Variants in MMP26 observed in about 807,000 individuals in gnomAD.
MMP26 encodes matrix metalloproteinase-26.
MMP26 carries 33 observed loss-of-function variants against 31.0 expected under a neutral mutation model. The ratio of observed to expected loss-of-function variants is 1.06; its 90% CI spans 0.81 to 1.42. The LOEUF (loss-of-function observed/expected upper bound fraction) is 1.42, where lower values mean the gene tolerates loss of function less well. Among genes scored for constraint, MMP26 ranks in the 40% most tolerant of loss-of-function variants. The pLI is 0.00. For missense variants in MMP26, 347 were observed against 316.1 expected (o/e 1.10, Z -0.74); for synonymous variants, 122 against 114.9 (o/e 1.06, Z -0.40).
At chr11:4,906,044 T>A (rs1850883016) in intron 2 of MMP26, among the ~76,000 whole-genome samples, 1 of 152,164 alleles carries the variant, frequency 6.6e-6, no homozygotes, top group South Asian at 2.1e-4. Context: ...AATAATCCAA[T>A]CAAGATGGAT....
intron 2 of MMP26, among the ~76,000 whole-genome samples, chr11:4,807,085 A>G (rs759934474): frequency 2.0e-5 from 3 of 152,168 alleles, no homozygotes; most frequent in Non-Finnish European, 4.4e-5. Context: ...AATAATTGTT[A>G]TTTTTGGAGA....
chr11:4,895,982 A>G (rs1393382377), intron 2 of MMP26, among the ~76,000 whole-genome samples: 2 of 152,142 alleles, frequency 1.3e-5, no homozygotes, highest in Non-Finnish European at 2.9e-5. Flanking sequence ...GTTTTAGTGA[A>G]AGTCTCCTCT....
intron 2 of MMP26, among the ~76,000 whole-genome samples, chr11:4,880,243 G>A (rs1253889622): frequency 1.3e-5 from 2 of 152,078 alleles, no homozygotes; most frequent in African/African-American, 4.8e-5. Flanking sequence ...GCTCTGTTAT[G>A]GGACTGAAGA....
intron 1 of MMP26, among the ~76,000 whole-genome samples, chr11:4,709,093 T>C (rs1023607823): frequency 6.6e-6 from 1 of 152,174 alleles, no homozygotes; most frequent in Non-Finnish European, 1.5e-5. Flanking sequence ...TCTCTTACTT[T>C]CATTGGGTCA....
At chr11:4,789,762 G>T (rs12802647) in intron 2 of MMP26, among the ~76,000 whole-genome samples, 7 of 151,016 alleles carry the variant, frequency 4.6e-5, no homozygotes, top group Non-Finnish European at 8.9e-5. Context: ...GGATGGTGTC[G>T]ATCTCCTGAC....
intron 2 of MMP26, among the ~76,000 whole-genome samples, chr11:4,983,457 G>A (rs1846843417): frequency 6.6e-6 from 1 of 152,250 alleles, no homozygotes; most frequent in Admixed American, 6.5e-5. Context: ...CTCTTTACCT[G>A]AGTAACAGAA....
At chr11:4,713,157 A>T (rs561667759) in intron 1 of MMP26, among the ~76,000 whole-genome samples, 7 of 152,080 alleles carry the variant, frequency 4.6e-5, no homozygotes, top group Middle Eastern at 3.4e-3. Flanking sequence ...TATATTAGGG[A>T]TTCTCAAATT....
intron 2 of MMP26, among the ~76,000 whole-genome samples, chr11:4,901,703 T>C (rs1850804990): frequency 6.6e-6 from 1 of 152,148 alleles, no homozygotes; most frequent in Non-Finnish European, 1.5e-5. Flanking sequence ...CCCTAAAAAC[T>C]TCTCTAATGT....
chr11:4,781,403 C>T (rs1056579509), intron 2 of MMP26, among the ~76,000 whole-genome samples: 4 of 79,970 alleles, frequency 5.0e-5, no homozygotes, highest in East Asian at 2.0e-4. Flanking sequence ...AAAAATTAGC[C>T]GGGCGCGGTG....
intron 1 of MMP26, among the ~76,000 whole-genome samples, chr11:4,762,726 A>G (rs1221078339): frequency 6.6e-6 from 1 of 152,166 alleles, no homozygotes; most frequent in African/African-American, 2.4e-5. Flanking sequence ...CACTTTTAGA[A>G]AAGTGGAAAA....
intron 2 of MMP26, among the ~76,000 whole-genome samples, chr11:4,927,977 C>G (rs539284210): frequency 6.6e-6 from 1 of 152,032 alleles, no homozygotes; most frequent in Non-Finnish European, 1.5e-5. Context: ...TCTAGTTGTG[C>G]ATTTCAAGTT....
At chr11:4,974,276 TTC>T (rs1176849824) in intron 2 of MMP26, among the ~76,000 whole-genome samples, 2 of 151,916 alleles carry the variant, frequency 1.3e-5, no homozygotes, top group Non-Finnish European at 2.9e-5. Context: ...TGTTTAAAAT[TTC>T]TGTCATAAAA....
Position 4,992,276 on chromosome 11 carries a change from T to C in MMP26, c.*34T>C. 1 of 1,596,298 alleles carries C rather than the reference T, an allele frequency of 6.3e-7. No homozygotes were observed. Reference sequence around the variant, plus strand: ...CAGAGGACTTATTCAACCTGTCCTTTCAGGGAGTTTATTGGAGGATCAAAG... The same window carrying C: ...CAGAGGACTTATTCAACCTGTCCTTCCAGGGAGTTTATTGGAGGATCAAAG... On this transcript the variant is annotated 3_prime_UTR_variant, in exon 8 of 8. Coordinates refer to ENST00000380390, the MANE Select transcript of MMP26 (RefSeq NM_021801.5).
chr11:4,769,109 G>T (rs975509626), intron 2 of MMP26: 1 of 1,600,878 alleles, frequency 6.2e-7, no homozygotes, highest in Non-Finnish European at 8.5e-7. Flanking sequence ...TACTCTGGGG[G>T]CTGACCGACC....
At chr11:4,944,256 A>C (rs1846260846) in intron 2 of MMP26, 4 of 319,908 alleles carry the variant, frequency 1.3e-5, no homozygotes, top group South Asian at 1.1e-4. Flanking sequence ...TGTATTCAAG[A>C]TAATACTATC....
chr11:4,790,083 T>A (rs1849003051), intron 2 of MMP26, among the ~76,000 whole-genome samples: 1 of 152,104 alleles, frequency 6.6e-6, no homozygotes, highest in Non-Finnish European at 1.5e-5. Context: ...AGCTCACGCC[T>A]GTAATCCCAG....
intron 2 of MMP26, among the ~76,000 whole-genome samples, chr11:4,842,937 A>C (rs1358673839): frequency 6.6e-6 from 1 of 152,140 alleles, no homozygotes; most frequent in East Asian, 1.9e-4. Context: ...ATTGGCCAAA[A>C]CCAAGGGGCT....
chr11:4,986,392 G>A (rs974084353), intron 2 of MMP26, among the ~76,000 whole-genome samples: 2 of 151,160 alleles, frequency 1.3e-5, no homozygotes, highest in Admixed American at 1.3e-4. Context: ...CTGTTGTCAA[G>A]GCTAGAATGC....
intron 2 of MMP26, among the ~76,000 whole-genome samples, chr11:4,817,000 G>A (rs746310449): frequency 4.0e-5 from 6 of 151,702 alleles, no homozygotes; most frequent in Non-Finnish European, 7.4e-5. Flanking sequence ...GTAGTGGCAC[G>A]TTTAGTGACA....
Sources: gnomAD v4.1 joint callset for allele counts (sites outside exome capture counted in the v4.1 genomes callset) on GRCh38, gnomAD v4.1.1 for gene constraint, MANE v1.5 for transcripts, NCBI Gene and HGNC (gene_info 2026-07-23, HGNC 2026-07-21) for gene names.